Variants in DPPA4 observed in about 807,000 individuals in gnomAD.
DPPA4 encodes developmental pluripotency associated 4.
DPPA4 carries 22 observed loss-of-function variants against 33.7 expected under a neutral mutation model. That is an observed-to-expected ratio of 0.65 (90% CI 0.47 to 0.93). The LOEUF is 0.93. DPPA4 is among the 40% of genes least tolerant of loss of function. The pLI is 0.00. For synonymous variants in DPPA4, 156 were observed against 132.3 expected, an observed-to-expected ratio of 1.18 and a Z score of -1.23; for missense variants, 340 against 358.6, an observed-to-expected ratio of 0.95 and a Z score of 0.42.
At chr3:109,334,702 G>A (rs1329916078) in intron 1 of DPPA4, among the ~76,000 whole-genome samples, 1 of 152,084 alleles carries the variant, frequency 6.6e-6, no homozygotes, top group East Asian at 1.9e-4. Flanking sequence ...TAACATAAAA[G>A]TAATTGTCTT....
At position 109,331,716 on chromosome 3, in the gene DPPA4, C is replaced by A. The variant is rs773706919; in HGVS notation, c.390+18G>T. 2 of 1,612,328 alleles carry A rather than the reference C, an allele frequency of 1.2e-6. No individual in the cohort carries two copies. Among genetic ancestry groups the A allele is most frequent in the South Asian group, 2.2e-5 (2 of 91,002 alleles). Reference sequence around the variant, plus strand: ...TAATTAGGATAAGCATTGAAACGTCCATCCTTTAAAAAGTTACCTTTTGAT... The same window carrying A: ...TAATTAGGATAAGCATTGAAACGTCAATCCTTTAAAAAGTTACCTTTTGAT... On this transcript the variant is annotated intron_variant, in intron 4 of 6. Transcript: ENST00000335658.
intron 6 of DPPA4, 37 bp downstream of exon 6, chr3:109,328,853 C>A (rs1313989498): frequency 6.4e-7 from 1 of 1,567,764 alleles, no homozygotes; most frequent in Admixed American, 1.8e-5. Flanking sequence ...AAATCCGGCA[C>A]CCACTTTTAG....
Position 109,328,921 on chromosome 3 carries a change from C to G in DPPA4, c.847G>C (p.Asp283His). Reference protein sequence around the residue: ...ASNFPPPHLEDNMLCPKCVHR... With the variant: ...ASNFPPPHLEHNMLCPKCVHR... ...ACACATTTGGGGCACAACATATTGT[C>G]TTCAAGGTGCGGGGGTGGAAAATTG... The change falls in exon 6 of 7, where the codon GAC becomes CAC. Residue 283 changes from aspartate to histidine, a missense_variant. Transcript: ENST00000335658. 1 of 1,614,030 alleles carries G rather than the reference C, an allele frequency of 6.2e-7. No homozygotes were observed. Among genetic ancestry groups the G allele is most frequent in the Non-Finnish European group, 8.5e-7 (1 of 1,179,954 alleles).
rs1019295607 is a variant in DPPA4 at position 109,334,054 on chromosome 3, T to A, written c.55-61A>T. On this transcript the variant is annotated intron_variant, in intron 1 of 6. Coordinates refer to ENST00000335658, the MANE Select transcript of DPPA4 (RefSeq NM_018189.4). ...GTGTCCAAACCACACATACACTACC[T>A]GCCTCAAGATAACTCACTTCTAAGG... is the stretch of plus-strand genomic sequence containing the variant. 5.7e-6 allele frequency: 9 copies of A among 1,588,202 alleles called. No individual in the cohort carries two copies. In the Admixed American group the frequency reaches 1.4e-4, roughly 25 times the overall value.
chr3:109,338,430 G>T (rs1708254176), upstream of DPPA4, among the ~76,000 whole-genome samples: 1 of 152,202 alleles, frequency 6.6e-6, no homozygotes. Context: ...TCAGATCAGT[G>T]CTCCCTGTCA....
intron 4 of DPPA4, 61 bp downstream of exon 4, chr3:109,331,673 T>C: frequency 6.5e-7 from 1 of 1,535,840 alleles, no homozygotes; most frequent in Non-Finnish European, 9.0e-7. Context: ...CTTTACTCAC[T>C]TTTGAGGCTA....
intron 4 of DPPA4, 44 bp downstream of exon 4, chr3:109,331,690 G>C: frequency 6.3e-7 from 1 of 1,590,154 alleles, no homozygotes; most frequent in East Asian, 2.2e-5. Context: ...GCTACAATAG[G>C]TAATTAGGAT....
chr3:109,328,775 A>T, intron 6 of DPPA4, 115 bp downstream of exon 6: 1 of 960,134 alleles, frequency 1.0e-6, no homozygotes, highest in Non-Finnish European at 1.5e-6. Flanking sequence ...GAAACTCTTT[A>T]CTGACAATTT....
chr3:109,332,582 G>A (rs1445527734), intron 2 of DPPA4, among the ~76,000 whole-genome samples: 3 of 152,040 alleles, frequency 2.0e-5, no homozygotes, highest in Non-Finnish European at 4.4e-5. Context: ...GGGAATTACC[G>A]CTGTCTTAGA....
Position 109,327,901 on chromosome 3 carries a change from G to C in DPPA4, c.*87C>G. The C allele has an allele frequency of 1.0e-6, 1 of 976,086 alleles. No individual in the cohort carries two copies. Among genetic ancestry groups the C allele is most frequent in the South Asian group, 1.3e-5 (1 of 75,390 alleles). The allele number at this position is 976,086 out of a possible 1,614,324, so 60.5% of individuals were successfully genotyped here. ...GCCCATAAACAGGTGCAGAGGACCA[G>C]AGTTCACCTGTCAGCAGCACCGCAG... On this transcript the variant is annotated 3_prime_UTR_variant, in exon 7 of 7. Transcript: ENST00000335658.
chr3:109,336,648 C>T (rs1196061008), intron 1 of DPPA4, among the ~76,000 whole-genome samples: 1 of 152,158 alleles, frequency 6.6e-6, no homozygotes, highest in Admixed American at 6.5e-5. Flanking sequence ...ACCCTTTTCT[C>T]CTGTTACCAT....
intron 4 of DPPA4, among the ~76,000 whole-genome samples, 170 bp downstream of exon 4, chr3:109,331,564 A>AAAAAG (rs1559708949): frequency 8.4e-4 from 89 of 106,082 alleles, no homozygotes; most frequent in East Asian, 2.0e-3. Flanking sequence ...AAAAAAAAAA[A>AAAAAG]AAAGAAAGAA....
chr3:109,337,540 C>T lies in DPPA4; in HGVS notation c.-23G>A. On this transcript the variant is annotated 5_prime_UTR_variant, in exon 1 of 7. Transcript: ENST00000335658. ...CATGCTTCCAAAATGGCCCCTGCCC[C>T]AAGATTGCTATTTGCAAAGTCTCCT... 2 of 1,613,584 alleles carry T rather than the reference C, an allele frequency of 1.2e-6. No homozygotes were observed. Among genetic ancestry groups the T allele is most frequent in the Non-Finnish European group, 1.7e-6 (2 of 1,179,514 alleles).
chr3:109,335,241 C>T (rs1260339158), intron 1 of DPPA4, among the ~76,000 whole-genome samples: 1 of 152,132 alleles, frequency 6.6e-6, no homozygotes, highest in Non-Finnish European at 1.5e-5. Context: ...CAAGCTCTAC[C>T]TCCCGGGTTC....
At chr3:109,334,143 T>C (rs2107349494) in intron 1 of DPPA4, 150 bp from the exon 2 acceptor site, 1 of 805,168 alleles carries the variant, frequency 1.2e-6, no homozygotes, top group Non-Finnish European at 1.8e-6. Flanking sequence ...ATCTTAATAC[T>C]CAGTTTCATT....
In DPPA4 at chr3:109,327,855, G is replaced by A. The variant is rs149833184; in HGVS notation, c.*133C>T. On this transcript the variant is annotated 3_prime_UTR_variant, in exon 7 of 7. Transcript: ENST00000335658. ...TGCTAGGGGTCTTAGGCTAACATCTGCCACCCCACCAGTCTGCATGGCCCA... is the reference window on the plus strand; with the variant it reads ...TGCTAGGGGTCTTAGGCTAACATCTACCACCCCACCAGTCTGCATGGCCCA... 5 of 662,476 alleles carry A rather than the reference G, an allele frequency of 7.5e-6. No homozygotes were observed. In the East Asian group the frequency reaches 1.3e-4, roughly 17 times the overall value. The allele number at this position is 662,476 out of a possible 1,614,324, so 41.0% of individuals were successfully genotyped here.
intron 2 of DPPA4, among the ~76,000 whole-genome samples, chr3:109,332,728 G>T (rs1708108799): frequency 6.6e-6 from 1 of 152,154 alleles, no homozygotes; most frequent in Admixed American, 6.5e-5. Context: ...TTCATAGCAG[G>T]TATGTTTCCT....
intron 4 of DPPA4, among the ~76,000 whole-genome samples, chr3:109,331,248 G>C (rs1346191551): frequency 4.5e-5 from 5 of 111,642 alleles, no homozygotes; most frequent in Non-Finnish European, 5.3e-5. Flanking sequence ...GTGACAGAGG[G>C]AGACTCTGTC....
chr3:109,337,519 C>A lies in DPPA4; in HGVS notation c.-2G>T. ...AGAAGAAGCGGAGCCTCGCAACATG[C>A]TTCCAAAATGGCCCCTGCCCCAAGA... On this transcript the variant is annotated 5_prime_UTR_variant, in exon 1 of 7. Coordinates refer to ENST00000335658, the MANE Select transcript of DPPA4 (RefSeq NM_018189.4). 1 of 1,614,122 alleles carries A rather than the reference C, an allele frequency of 6.2e-7. No homozygotes were observed. Among genetic ancestry groups the A allele is most frequent in the Non-Finnish European group, 8.5e-7 (1 of 1,180,004 alleles).
Sources: allele counts gnomAD v4.1 joint callset (sites outside exome capture counted in the v4.1 genomes callset), GRCh38; gene constraint gnomAD v4.1.1; transcripts MANE v1.5; gene names NCBI Gene and HGNC (gene_info 2026-07-23, HGNC 2026-07-21).